The following AMHR2 variants were observed in gnomAD, a reference collection of about 807,000 sequenced individuals.
AMHR2 encodes anti-Muellerian hormone type-2 receptor.
Under a neutral mutation model 61.4 loss-of-function variants are expected in AMHR2, and 36 were observed. The observed-to-expected ratio is 0.59, with a 90% confidence interval of 0.45 to 0.77. AMHR2 has a LOEUF of 0.77. AMHR2 is among the 30% of genes least tolerant of loss of function. The pLI is 0.00. For missense variants in AMHR2, 638 were observed against 714.6 expected, an observed-to-expected ratio of 0.89 and a Z score of 1.22; for synonymous variants, 258 against 279.4, an observed-to-expected ratio of 0.92 and a Z score of 0.76.
rs559834453 is a variant in AMHR2 at position 53,430,476 on chromosome 12, C to T, written c.1425+194C>T. 1.0e-4 allele frequency: 83 copies of T among 793,204 alleles called. 1 individual carries two copies. In the African/African-American group the frequency reaches 1.3e-3, roughly 12 times the overall value. 49.1% of individuals were successfully genotyped at this position (793,204 alleles called of 1,614,324 possible). A position where few individuals can be genotyped will look rare whatever the true frequency, so the allele number is the denominator to read the frequency against. ...ATCCTCTTCCACCCTAAGTCTCACA[C>T]AGTCGATTCCATCTACCTGAGACAC... On this transcript the variant is annotated intron_variant, in intron 10 of 10. Transcript: ENST00000257863.
intron 1 of AMHR2, 74 bp downstream of exon 1, chr12:53,424,057 A>G: frequency 6.4e-7 from 1 of 1,557,216 alleles, no homozygotes; most frequent in African/African-American, 1.4e-5. Context: ...AGCAAGAGCC[A>G]CCCCTTTGGA....
In AMHR2 at chr12:53,425,192, T is replaced by G; in HGVS notation, c.452T>G (p.Leu151Arg). 2 of 1,614,038 alleles carry G rather than the reference T, an allele frequency of 1.2e-6. No homozygotes were observed. Among genetic ancestry groups the G allele is most frequent in the Non-Finnish European group, 1.7e-6 (2 of 1,180,036 alleles). The change falls in exon 4 of 11, where the codon CTG becomes CGG. Residue 151 changes from leucine (L) to arginine (R), a missense_variant. By Grantham distance (102) the Leu-to-Arg change is moderately radical (BLOSUM62 -2). Transcript: ENST00000257863. ...PGESIWMALV[L>R]LGLFLLLLLL... ...GAGTCCATCTGGATGGCACTGGTGCTGCTGGGGCTGTTCCTCCTCCTCCTG... is the reference window on the plus strand; with the variant it reads ...GAGTCCATCTGGATGGCACTGGTGCGGCTGGGGCTGTTCCTCCTCCTCCTG...
At chr12:53,430,101 C>T (rs1939984552) in intron 9 of AMHR2, 45 bp from the exon 10 acceptor site, 1 of 1,614,120 alleles carries the variant, frequency 6.2e-7, no homozygotes, top group Admixed American at 1.7e-5. Context: ...ACATGGTAGG[C>T]ACCCCTAGGA....
intron 7 of AMHR2, among the ~76,000 whole-genome samples, 168 bp from the exon 8 acceptor site, chr12:53,429,285 G>A (rs925745338): frequency 1.3e-5 from 2 of 151,802 alleles, no homozygotes; most frequent in Non-Finnish European, 2.9e-5. Context: ...CCAGCTACTC[G>A]GGAGGCTGAG....
rs200459389 is a variant in AMHR2, at chr12:53,425,569, C to T, written c.617C>T (p.Ser206Phe). 5.6e-6 allele frequency: 9 copies of T among 1,613,752 alleles called. No homozygotes were observed. In the African/African-American group the frequency reaches 8.0e-5, roughly 14 times the overall value. Reference sequence around the variant, plus strand: ...CAGGAGCTGCCTGAGCTGTGTTTCTCCCAGGTGCCCCAGGGAGGGAGAGAA... The same window carrying T: ...CAGGAGCTGCCTGAGCTGTGTTTCTTCCAGGTGCCCCAGGGAGGGAGAGAA... ...ELQELPELCFSQVIREGGHAV... is the reference protein window; with the variant it reads ...ELQELPELCFFQVIREGGHAV... The change falls in exon 5 of 11, where the codon TCC (serine) becomes TTC (phenylalanine). Residue 206 changes from serine (S) to phenylalanine (F), a missense_variant. Transcript: ENST00000257863.
At position 53,424,789 on chromosome 12, in the gene AMHR2, A is replaced by G; in HGVS notation, c.313A>G (p.Thr105Ala). The G allele has an allele frequency of 6.2e-7, 1 of 1,612,558 alleles. No individual in the cohort carries two copies. The highest frequency in any genetic ancestry group is 8.5e-7 in the Non-Finnish European group (1 of 1,179,538). Residue 105 changes from threonine (T) to alanine (A), a missense_variant, in exon 3 of 11, where the codon ACT becomes GCT. By Grantham distance (58) the Thr-to-Ala change is moderately conservative (BLOSUM62 0). Coordinates refer to ENST00000257863, the MANE Select transcript of AMHR2 (RefSeq NM_020547.3). ...CCGAGCCCACCCCAGCCCTGGCTCC[A>G]CTCTCTTCACCTGCTCCTGTGGCAC... is the stretch of plus-strand genomic sequence containing the variant. ...SPRAHPSPGSTLFTCSCGTDF... is the reference protein window; with the variant it reads ...SPRAHPSPGSALFTCSCGTDF...
At position 53,425,206 on chromosome 12, in the gene AMHR2, C is replaced by G; in HGVS notation, c.466C>G (p.Leu156Val). Residue 156 changes from leucine to valine, a missense_variant, in exon 4 of 11, where the codon CTC becomes GTC. By Grantham distance (32) the Leu-to-Val change is conservative. Coordinates refer to ENST00000257863, the MANE Select transcript of AMHR2 (RefSeq NM_020547.3). ...GGCACTGGTGCTGCTGGGGCTGTTC[C>G]TCCTCCTCCTGCTGCTGCTGGGCAG... is the stretch of plus-strand genomic sequence containing the variant. ...WMALVLLGLF[L>V]LLLLLLGSII... The G allele has an allele frequency of 6.2e-7, 1 of 1,613,736 alleles. No homozygotes were observed. Among genetic ancestry groups the G allele is most frequent in the South Asian group, 1.1e-5 (1 of 91,080 alleles).
intron 3 of AMHR2, 110 bp downstream of exon 3, chr12:53,425,010 C>T: frequency 1.3e-6 from 2 of 1,562,100 alleles, no homozygotes; most frequent in Non-Finnish European, 1.7e-6. Flanking sequence ...TTTCCTCCTC[C>T]TGGCCTTGGG....
intron 1 of AMHR2, 101 bp from the exon 2 acceptor site, chr12:53,424,187 G>T: frequency 1.3e-6 from 2 of 1,501,264 alleles, no homozygotes. Context: ...CCATACTGAC[G>T]CTGGGATGTG....
At chr12:53,429,217 C>T (rs946895725) in intron 7 of AMHR2, among the ~76,000 whole-genome samples, 1 of 152,026 alleles carries the variant, frequency 6.6e-6, no homozygotes, top group African/African-American at 2.4e-5. Context: ...ATGGTGAAAC[C>T]CTGTCTCTAT....
At chr12:53,430,697 G>A in intron 10 of AMHR2, 1 of 357,520 alleles carries the variant, frequency 2.8e-6, no homozygotes, top group Non-Finnish European at 5.3e-6. Context: ...CATTGATGAT[G>A]TTTCTGCTGT....
Position 53,423,955 on chromosome 12 carries a change from T to A in AMHR2, c.21T>A (p.Leu7=), listed in dbSNP as rs1259090819. Residue 7 remains leucine (L), a synonymous_variant, in exon 1 of 11, where the codon CTT becomes CTA. Coordinates refer to ENST00000257863, the MANE Select transcript of AMHR2 (RefSeq NM_020547.3). The part of the protein sequence containing the change: MLGSLG[L]WALLPTAVEA... ...GCAAGATGCTAGGGTCTTTGGGGCTTTGGGCATTACTTCCCACAGCTGTGG... is the reference window on the plus strand; with the variant it reads ...GCAAGATGCTAGGGTCTTTGGGGCTATGGGCATTACTTCCCACAGCTGTGG... The A allele has an allele frequency of 6.2e-7, 1 of 1,614,070 alleles. No individual in the cohort carries two copies. The highest frequency in any genetic ancestry group is 8.5e-7 in the Non-Finnish European group (1 of 1,180,038).
rs1940105605 is a variant in AMHR2, at chr12:53,431,637, C to T, written c.*164C>T. On this transcript the variant is annotated 3_prime_UTR_variant, in exon 11 of 11. Transcript: ENST00000257863. Reference sequence around the variant, plus strand: ...TGACCAGTGACTTGGGGTAGGTGTGCACAGGAAAGAGAATAAAGTCAGCTT... The same window carrying T: ...TGACCAGTGACTTGGGGTAGGTGTGTACAGGAAAGAGAATAAAGTCAGCTT... 5 of 855,204 alleles carry T rather than the reference C, an allele frequency of 5.8e-6. No individual in the cohort carries two copies. Among genetic ancestry groups the T allele is most frequent in the Non-Finnish European group, 9.4e-6 (5 of 531,578 alleles). The allele number at this position is 855,204 out of a possible 1,614,324, so 53.0% of individuals were successfully genotyped here. A position where few individuals can be genotyped will look rare whatever the true frequency, so the allele number is the denominator to read the frequency against.
rs746959679 is a variant in AMHR2 at position 53,424,412 on chromosome 12, C to T, written c.174C>T (p.Ser58=). 1 of 1,613,688 alleles carries T rather than the reference C, an allele frequency of 6.2e-7. No homozygotes were observed. The highest frequency in any genetic ancestry group is 1.7e-5 in the Admixed American group (1 of 59,926). ...ELPRAIRCLY[S]RCCFGIWNLT... ...CCAGAGCTATCCGCTGCCTCTACAG[C>T]CGCTGCTGCTTTGGGATCTGGAACC... is the stretch of plus-strand genomic sequence containing the variant. Residue 58 remains serine, a synonymous_variant, in exon 2 of 11, where the codon AGC becomes AGT. Transcript: ENST00000257863.
chr12:53,430,149 G>A lies in AMHR2; in HGVS notation c.1292G>A (p.Ser431Asn). 6.2e-7 allele frequency: 1 copy of A among 1,614,144 alleles called. No homozygotes were observed. Among genetic ancestry groups the A allele is most frequent in the South Asian group, 1.1e-5 (1 of 91,086 alleles). Residue 431 changes from serine to asparagine, a missense_variant, in exon 10 of 11, where the codon AGC becomes AAC. Ser to Asn is a conservative substitution (Grantham distance 46). Transcript: ENST00000257863. ...CAGCCCCTCTACCTTCCTCCAGACA[G>A]CAGTCCACCACCCTTCCAACTGGCC... ...LSRCPDLRPDSSPPPFQLAYE... is the reference protein window; with the variant it reads ...LSRCPDLRPDNSPPPFQLAYE...
Position 53,424,732 on chromosome 12 carries a change from G to A in AMHR2, c.256G>A (p.Gly86Ser). Residue 86 changes from glycine (G) to serine (S), a missense_variant, in exon 3 of 11, where the codon GGC (glycine) becomes AGC (serine). Gly to Ser is a moderately conservative substitution (Grantham distance 56). Coordinates refer to ENST00000257863, the MANE Select transcript of AMHR2 (RefSeq NM_020547.3). ...AGGATGCCGAGACAGTGATGAGCCA[G>A]GCTGTGAGTCCCTCCACTGTGACCC... ...MQGCRDSDEP[G>S]CESLHCDPSP... 6.2e-7 allele frequency: 1 copy of A among 1,613,844 alleles called. No individual in the cohort carries two copies. Among genetic ancestry groups the A allele is most frequent in the East Asian group, 2.2e-5 (1 of 44,862 alleles).
chr12:53,426,924 C>T (rs1483409185), intron 6 of AMHR2, among the ~76,000 whole-genome samples: 2 of 150,168 alleles, frequency 1.3e-5, no homozygotes, highest in Non-Finnish European at 3.0e-5. Context: ...CTCAAGTGAT[C>T]CACCCATCTT....
intron 8 of AMHR2, 71 bp from the exon 9 acceptor site, chr12:53,429,760 T>G (rs559971654): frequency 2.4e-5 from 39 of 1,609,800 alleles, no homozygotes; most frequent in East Asian, 1.6e-4. Flanking sequence ...TGGGGGGATA[T>G]TGCATGGACC....
chr12:53,430,014 C>T lies in AMHR2; in HGVS notation c.1288+36C>T, dbSNP rs1460757813. The T allele has an allele frequency of 3.7e-6, 6 of 1,613,292 alleles. No homozygotes were observed. In the Admixed American group the frequency reaches 8.3e-5, roughly 22 times the overall value. On this transcript the variant is annotated intron_variant, in intron 9 of 10. Coordinates refer to ENST00000257863, the MANE Select transcript of AMHR2 (RefSeq NM_020547.3). ...GTGGTACAGTCCCCTCTCCTGGGCT[C>T]CCCCCCGCCCATTCTAGGTTCACCC...
Sources: gnomAD v4.1 joint callset for allele counts (sites outside exome capture counted in the v4.1 genomes callset) on GRCh38, gnomAD v4.1.1 for gene constraint, MANE v1.5 for transcripts, NCBI Gene and HGNC (gene_info 2026-07-23, HGNC 2026-07-21) for gene names.